SSBP3: variants seen among roughly 807,000 people sequenced by gnomAD.
The protein encoded by SSBP3 is single stranded DNA binding protein 3.
In SSBP3, 5 loss-of-function variants were observed where a neutral mutation model predicts 69.6. The ratio of observed to expected loss-of-function variants is 0.07; its 90% CI spans 0.04 to 0.15. The LOEUF is 0.15. Ranked by LOEUF, SSBP3 falls within the 10% of genes least tolerant of loss-of-function variation. The pLI, the probability that SSBP3 is intolerant of heterozygous loss-of-function variation, is 1.00. For synonymous variants in SSBP3, 196 were observed against 193.4 expected (o/e 1.01, Z -0.11); for missense variants, 312 against 534.0 (o/e 0.58, Z 4.10).
intron 4 of SSBP3, among the ~76,000 whole-genome samples, chr1:54,372,969 G>A (rs1647159463): frequency 6.6e-6 from 1 of 152,218 alleles, no homozygotes; most frequent in Non-Finnish European, 1.5e-5. Context: ...GAGGCAGGGG[G>A]AGATGTTTTT....
chr1:54,241,126 G>C (rs1453793450), intron 12 of SSBP3, among the ~76,000 whole-genome samples, 167 bp from the exon 13 acceptor site: 3 of 152,156 alleles, frequency 2.0e-5, no homozygotes, highest in Non-Finnish European at 4.4e-5. Context: ...CTTGAGAAGG[G>C]GACCTGGATG....
chr1:54,333,763 G>A (rs1214922980), intron 4 of SSBP3, among the ~76,000 whole-genome samples: 1 of 152,128 alleles, frequency 6.6e-6, no homozygotes, highest in African/African-American at 2.4e-5. Flanking sequence ...CACAGTGAGG[G>A]CCATATAAAA....
chr1:54,337,539 C>CTG (rs1646532168), intron 4 of SSBP3, among the ~76,000 whole-genome samples: 1 of 124,636 alleles, frequency 8.0e-6, no homozygotes, highest in South Asian at 2.6e-4. Flanking sequence ...AGTCTGTTGC[C>CTG]CAGGCTGGAG....
At chr1:54,305,233 T>C (rs1645877619) in intron 4 of SSBP3, among the ~76,000 whole-genome samples, 1 of 152,144 alleles carries the variant, frequency 6.6e-6, no homozygotes, top group Non-Finnish European at 1.5e-5. Context: ...AATAAAGACA[T>C]TCAGTAGCTG....
chr1:54,235,273 GTT>G (rs200538399), intron 14 of SSBP3, among the ~76,000 whole-genome samples: 9,683 of 109,670 alleles, frequency 0.088, 279 homozygotes, highest in African/African-American at 0.13. Flanking sequence ...AAGATGTCCA[GTT>G]TTTTTTTTTT....
At chr1:54,303,359 C>A (rs1316392927) in intron 4 of SSBP3, among the ~76,000 whole-genome samples, 1 of 148,720 alleles carries the variant, frequency 6.7e-6, no homozygotes, top group Non-Finnish European at 1.5e-5. Context: ...TTGTTATCAA[C>A]CCCGCCTAGA....
At chr1:54,329,133 G>A (rs1646361478) in intron 4 of SSBP3, among the ~76,000 whole-genome samples, 1 of 152,160 alleles carries the variant, frequency 6.6e-6, no homozygotes. Context: ...GAAGGAAGGG[G>A]GTTTGAGTCT....
chr1:54,276,093 A>G (rs1645278571), intron 5 of SSBP3, among the ~76,000 whole-genome samples: 1 of 152,166 alleles, frequency 6.6e-6, no homozygotes, highest in South Asian at 2.1e-4. Context: ...TGAGGACTCA[A>G]CGGAAAGGGG....
At chr1:54,357,029 G>T (rs1646879774) in intron 4 of SSBP3, among the ~76,000 whole-genome samples, 1 of 147,798 alleles carries the variant, frequency 6.8e-6, no homozygotes, top group Non-Finnish European at 1.5e-5. Context: ...AGGGAACAGG[G>T]CTCACAGGGG....
At chr1:54,337,280 C>T (rs1326750588) in intron 4 of SSBP3, among the ~76,000 whole-genome samples, 1 of 152,114 alleles carries the variant, frequency 6.6e-6, no homozygotes. Context: ...ACTCAGGTGG[C>T]ACAGTGCATG....
chr1:54,351,210 T>G (rs1646776367), intron 4 of SSBP3, among the ~76,000 whole-genome samples: 1 of 152,212 alleles, frequency 6.6e-6, no homozygotes, highest in South Asian at 2.1e-4. Flanking sequence ...GAAAACAGCC[T>G]GAAAAGAAAT....
chr1:54,288,559 C>T (rs1010533516), intron 4 of SSBP3, among the ~76,000 whole-genome samples: 36 of 125,798 alleles, frequency 2.9e-4, no homozygotes, highest in African/African-American at 1.1e-3. Context: ...CCTGCCTTTT[C>T]ATTTTGATCC....
chr1:54,228,983 G>C (rs1644335515), intron 14 of SSBP3, 157 bp from the exon 15 acceptor site: 1 of 740,110 alleles, frequency 1.4e-6, no homozygotes, highest in Non-Finnish European at 2.2e-6. Flanking sequence ...TGGCAGCTGG[G>C]CCAGGGTCCT....
chr1:54,355,090 G>A (rs781614643), intron 4 of SSBP3, among the ~76,000 whole-genome samples: 1 of 152,304 alleles, frequency 6.6e-6, no homozygotes, highest in East Asian at 1.9e-4. Context: ...TCACACAATG[G>A]GAGGCTCTCA....
chr1:54,266,871 A>T (rs1645111435), intron 5 of SSBP3, among the ~76,000 whole-genome samples: 1 of 152,186 alleles, frequency 6.6e-6, no homozygotes, highest in African/African-American at 2.4e-5. Context: ...GCTCCCGAAT[A>T]CAGTGATAGT....
intron 5 of SSBP3, among the ~76,000 whole-genome samples, chr1:54,267,146 C>T (rs997065534): frequency 2.0e-5 from 3 of 152,194 alleles, no homozygotes; most frequent in Non-Finnish European, 2.9e-5. Context: ...GGCTCCACCT[C>T]GAATGGCTGT....
intron 9 of SSBP3, among the ~76,000 whole-genome samples, chr1:54,246,250 T>C (rs1254184268): frequency 1.3e-5 from 2 of 152,178 alleles, no homozygotes; most frequent in East Asian, 1.9e-4. Context: ...TACCGCAGCA[T>C]TGCAGAAGCT....
At chr1:54,326,281 C>A (rs1646302491) in intron 4 of SSBP3, 3 of 152,472 alleles carry the variant, frequency 2.0e-5, no homozygotes, top group Non-Finnish European at 4.4e-5. Context: ...ATTCCAGCCC[C>A]CACCGTCATG....
intron 4 of SSBP3, among the ~76,000 whole-genome samples, chr1:54,294,072 G>A (rs771406809): frequency 1.4e-5 from 2 of 144,640 alleles, no homozygotes; most frequent in South Asian, 2.3e-4. Flanking sequence ...CCCAGGAGGC[G>A]GAGGTTGCAG....
Sources: gnomAD v4.1 joint callset for allele counts (sites outside exome capture counted in the v4.1 genomes callset) on GRCh38, gnomAD v4.1.1 for gene constraint, MANE v1.5 for transcripts, NCBI Gene and HGNC (gene_info 2026-07-23, HGNC 2026-07-21) for gene names.